CEP135: variants seen among roughly 807,000 people sequenced by gnomAD.
The protein encoded by CEP135 is centrosomal protein 135.
In CEP135, 142 loss-of-function variants were observed where a neutral mutation model predicts 157.3. That is an observed-to-expected ratio of 0.90 (90% CI 0.79 to 1.04). The LOEUF is 1.04. Among genes scored for constraint, CEP135 ranks in the 50% least tolerant of loss-of-function variants. The pLI is 0.00. For missense variants in CEP135, 1,317 were observed against 1,309.2 expected (o/e 1.01, Z -0.09); for synonymous variants, 396 against 439.8 (o/e 0.90, Z 1.25).
chr4:55,991,608 G>A (rs1430464395), intron 14 of CEP135, among the ~76,000 whole-genome samples: 1 of 151,936 alleles, frequency 6.6e-6, no homozygotes, highest in South Asian at 2.1e-4. Context: ...CCTCAATTCA[G>A]TCCTATTTAC....
chr4:55,974,714 T>C (rs554969703), intron 10 of CEP135, 32 bp from the exon 11 acceptor site: 59 of 1,507,202 alleles, frequency 3.9e-5, no homozygotes, highest in South Asian at 3.8e-4. Context: ...GTATACAACA[T>C]TATTTTAAGA....
intron 10 of CEP135, among the ~76,000 whole-genome samples, chr4:55,973,396 C>A (rs944622001): frequency 2.6e-5 from 4 of 152,210 alleles, no homozygotes; most frequent in African/African-American, 9.6e-5. Context: ...CACCTTCATT[C>A]TGAGTGGATG....
intron 18 of CEP135, among the ~76,000 whole-genome samples, chr4:56,008,844 A>C (rs182888688): frequency 6.6e-6 from 1 of 152,214 alleles, no homozygotes; most frequent in South Asian, 2.1e-4. Context: ...TTTATATAAT[A>C]GTGGGGATTA....
Position 56,009,785 on chromosome 4 carries a change from G to A in CEP135, c.2387G>A (p.Arg796Gln), listed in dbSNP as rs769259060. Residue 796 changes from arginine (R) to glutamine (Q), a missense_variant, in exon 19 of 26, where the codon CGG becomes CAG. Coordinates refer to ENST00000257287, the MANE Select transcript of CEP135 (RefSeq NM_025009.5). ...CGAGATCGTGAGATAAACAGCCTCC[G>A]GCGCCAGCTTGATGCAGCTCACAAA... Reference protein sequence around the residue: ...VNRDREINSLRRQLDAAHKEL... With the variant: ...VNRDREINSLQRQLDAAHKEL... The A allele has an allele frequency of 1.5e-5, 24 of 1,613,540 alleles. No homozygotes were observed. Among genetic ancestry groups the A allele is most frequent in the Admixed American group, 3.3e-5 (2 of 59,890 alleles).
rs550433743 is a variant in CEP135, at chr4:55,975,057, G to A, written c.1473+88G>A. The stretch of plus-strand genomic sequence containing the variant: ...TATTATATTAAATGTAACTTTATTC[G>A]TACTTGCTTTGAAAAATCCTGATTT... On this transcript the variant is annotated intron_variant, in intron 11 of 25. Coordinates refer to ENST00000257287, the MANE Select transcript of CEP135 (RefSeq NM_025009.5). 16 of 964,564 alleles carry A rather than the reference G, an allele frequency of 1.7e-5. No homozygotes were observed. The African/African-American group carries it at 1.7e-4, about 10-fold the overall frequency. The allele number at this position is 964,564 out of a possible 1,614,324, so 59.8% of individuals were successfully genotyped here.
rs748672127 is a variant in CEP135, at chr4:55,981,333, T to G, written c.1733T>G (p.Leu578Ter). The G allele has an allele frequency of 2.8e-5, 44 of 1,592,998 alleles. No individual in the cohort carries two copies. The highest frequency in any genetic ancestry group is 7.3e-5 in the Admixed American group (4 of 54,678). ...EKEKELALSD[L>*]RRIMAEKEAL... ...GAAAAAGAACTTGCGTTATCTGACT[T>G]AAGAAGAATTATGGCAGAAAAGGAA... Residue 578 changes from leucine (L) to a stop codon, truncating the protein, a stop_gained, in exon 13 of 26, where the codon TTA (leucine) becomes TGA (stop). Transcript: ENST00000257287. LOFTEE classifies it high-confidence loss of function.
At position 55,957,325 on chromosome 4, in the gene CEP135, AC is replaced by A. The variant is rs773474803; in HGVS notation, c.578del (p.Pro193LeufsTer28). 1.2e-6 allele frequency: 2 copies of A among 1,613,956 alleles called. No individual in the cohort carries two copies. Among genetic ancestry groups the A allele is most frequent in the South Asian group, 2.2e-5 (2 of 91,024 alleles). On this transcript the variant is annotated frameshift_variant, in exon 5 of 26. Coordinates refer to ENST00000257287, the MANE Select transcript of CEP135 (RefSeq NM_025009.5). LOFTEE classifies it high-confidence loss of function. ...VSSYPVPQPD[D>X]PYIADLLQVA... ...TCATATCCAGTTCCTCAACCAGATG[AC>A]CCTTACATTGCAGACCTCCTTCAAG...
In CEP135 at chr4:55,959,675, T is replaced by C; in HGVS notation, c.615-7T>C. 1 of 1,612,742 alleles carries C rather than the reference T, an allele frequency of 6.2e-7. No homozygotes were observed. The highest frequency in any genetic ancestry group is 8.5e-7 in the Non-Finnish European group (1 of 1,178,824). On this transcript the variant is annotated splice_region_variant and splice_polypyrimidine_tract_variant and intron_variant, in intron 5 of 25. Transcript: ENST00000257287. ...GTGTATTGGCATTAATTTAAAGTGCTTTTCAGGATTCAAGAACTTCAACAG... is the reference window on the plus strand; with the variant it reads ...GTGTATTGGCATTAATTTAAAGTGCCTTTCAGGATTCAAGAACTTCAACAG...
At chr4:55,971,613 T>C (rs1313179855) in intron 10 of CEP135, among the ~76,000 whole-genome samples, 1 of 151,788 alleles carries the variant, frequency 6.6e-6, no homozygotes, top group Admixed American at 6.6e-5. Flanking sequence ...GGCTAGTTTA[T>C]ACAGGGAGCC....
chr4:55,949,812 C>T (rs532883198), intron 1 of CEP135, among the ~76,000 whole-genome samples: 2 of 152,246 alleles, frequency 1.3e-5, no homozygotes, highest in South Asian at 2.1e-4. Context: ...TGGGTGGGGA[C>T]GGCCTAACAT....
chr4:55,964,253 A>G (rs187575197), intron 6 of CEP135, 21 bp from the exon 7 acceptor site: 11 of 1,578,136 alleles, frequency 7.0e-6, no homozygotes, highest in African/African-American at 5.5e-5. Context: ...TTTTAAAATG[A>G]CAGCATGACT....
chr4:56,007,958 G>T (rs1307297372), intron 17 of CEP135, among the ~76,000 whole-genome samples: 1 of 152,134 alleles, frequency 6.6e-6, no homozygotes, highest in Non-Finnish European at 1.5e-5. Context: ...AGACCCAGAA[G>T]TTTCCCAAAT....
intron 4 of CEP135, among the ~76,000 whole-genome samples, chr4:55,955,080 C>CA (rs759418479): frequency 0.02 from 2,475 of 121,392 alleles, 36 homozygotes; most frequent in Middle Eastern, 0.034. Context: ...GACCCTGTCT[C>CA]AAAAAAAAAA....
chr4:55,996,954 G>T (rs761992481), intron 15 of CEP135, among the ~76,000 whole-genome samples: 1 of 152,114 alleles, frequency 6.6e-6, no homozygotes, highest in South Asian at 2.1e-4. Context: ...TCAAAGAGAT[G>T]GACCTCTACC....
At chr4:55,999,272 A>C in intron 15 of CEP135, 30 bp from the exon 16 acceptor site, 2 of 1,468,334 alleles carry the variant, frequency 1.4e-6, no homozygotes, top group South Asian at 2.4e-5. Flanking sequence ...GATAAAGAAT[A>C]CCATTTGTTT....
At chr4:55,970,015 AG>A (rs1728975710) in intron 9 of CEP135, among the ~76,000 whole-genome samples, 1 of 149,490 alleles carries the variant, frequency 6.7e-6, no homozygotes, top group Non-Finnish European at 1.5e-5. Context: ...TTAAGACTGC[AG>A]GCATGTGCCA....
At position 55,977,037 on chromosome 4, in the gene CEP135, GTT is replaced by G. The variant is rs569390829; in HGVS notation, c.1473+2070_1473+2071del. On this transcript the variant is annotated intron_variant, in intron 11 of 25. Transcript: ENST00000257287. Reference sequence around the variant, plus strand: ...GGGTTTTTCCATGTTGCCCAGGCTGGTTTCAAACACCTGATCTCAAGTGATCT... The same window carrying G: ...GGGTTTTTCCATGTTGCCCAGGCTGGTCAAACACCTGATCTCAAGTGATCT... 7.0e-4 allele frequency among the ~76,000 whole-genome samples: 106 copies of G among 151,820 alleles called. 1 individual carries two copies. The highest frequency in any genetic ancestry group is 2.2e-3 in the African/African-American group (90 of 41,376).
intron 6 of CEP135, among the ~76,000 whole-genome samples, chr4:55,963,740 C>T (rs1200622483): frequency 3.9e-5 from 6 of 152,100 alleles, no homozygotes; most frequent in South Asian, 2.1e-4. Flanking sequence ...AGTGAAACTC[C>T]GTCTCAAAAA....
intron 6 of CEP135, 50 bp from the exon 7 acceptor site, chr4:55,964,224 T>G (rs1343256090): frequency 2.6e-6 from 4 of 1,559,016 alleles, no homozygotes; most frequent in Non-Finnish European, 2.6e-6. Flanking sequence ...GTGTTAATCA[T>G]TTGGTTGAAA....
Sources: gnomAD v4.1 joint callset for allele counts (sites outside exome capture counted in the v4.1 genomes callset) on GRCh38, gnomAD v4.1.1 for gene constraint, MANE v1.5 for transcripts, NCBI Gene and HGNC (gene_info 2026-07-23, HGNC 2026-07-21) for gene names.